Variants in PLAC9 observed in about 807,000 individuals in gnomAD.
PLAC9 encodes the protein placenta associated 9.
A neutral mutation model predicts 11.5 loss-of-function variants in PLAC9; 12 were observed. That is an observed-to-expected ratio of 1.05 (90% CI 0.67 to 1.69). PLAC9 has a LOEUF of 1.69. PLAC9 is among the 40% of genes most tolerant of loss of function. PLAC9 has a pLI of 0.00. For synonymous variants in PLAC9, 62 were observed against 58.1 expected (o/e 1.07, Z -0.31); for missense variants, 132 against 130.5 (o/e 1.01, Z -0.06).
At chr10:80,132,346 G>A (rs181217705), upstream of PLAC9, among the ~76,000 whole-genome samples, 390 of 152,304 alleles carry the variant, frequency 2.6e-3, 2 homozygotes, top group African/African-American at 8.6e-3. Context: ...ATGGCTGAGA[G>A]TGATGCCGAG....
chr10:80,133,629 C>G (rs375009772), intron 1 of PLAC9, among the ~76,000 whole-genome samples: 1 of 152,170 alleles, frequency 6.6e-6, no homozygotes, highest in Non-Finnish European at 1.5e-5. Flanking sequence ...GAGAGCTGTG[C>G]GGAGGAGAGA....
chr10:80,144,178 G>A (rs1234805639), intron 2 of PLAC9, 45 bp from the exon 3 acceptor site: 5 of 1,613,810 alleles, frequency 3.1e-6, no homozygotes, highest in Non-Finnish European at 4.2e-6. Context: ...GAAGCGGAAC[G>A]TGGAACCACT....
chr10:80,135,999 C>T (rs1288657854), intron 1 of PLAC9, among the ~76,000 whole-genome samples: 4 of 152,216 alleles, frequency 2.6e-5, no homozygotes, highest in African/African-American at 7.2e-5. Context: ...CCCCAGCATG[C>T]AGAAATCATC....
At chr10:80,142,380 G>A (rs1845050815) in intron 2 of PLAC9, among the ~76,000 whole-genome samples, 1 of 152,100 alleles carries the variant, frequency 6.6e-6, no homozygotes, top group Admixed American at 6.6e-5. Context: ...CTAAGGCCTT[G>A]CTTACCCCCA....
chr10:80,141,963 C>T, intron 1 of PLAC9, 119 bp from the exon 2 acceptor site: 1 of 626,328 alleles, frequency 1.6e-6, no homozygotes, highest in East Asian at 3.3e-5. Context: ...CTGGGCCGTC[C>T]TCCGCTTGCT....
intron 1 of PLAC9, among the ~76,000 whole-genome samples, chr10:80,141,278 G>T (rs1163915027): frequency 6.6e-6 from 1 of 152,078 alleles, no homozygotes; most frequent in East Asian, 1.9e-4. Context: ...AAAAATTCAT[G>T]TTTGGCTCTG....
chr10:80,140,343 C>T (rs183061065), intron 1 of PLAC9, among the ~76,000 whole-genome samples: 34 of 152,338 alleles, frequency 2.2e-4, no homozygotes, highest in Middle Eastern at 3.4e-3. Flanking sequence ...CACCTTCCCT[C>T]CTCATCTCAT....
chr10:80,133,904 A>AC (rs1185969316), intron 1 of PLAC9, among the ~76,000 whole-genome samples: 1 of 148,266 alleles, frequency 6.7e-6, no homozygotes, highest in Non-Finnish European at 1.5e-5. Context: ...AGATCAAGCC[A>AC]CCGCAATCCA....
intron 3 of PLAC9, among the ~76,000 whole-genome samples, 188 bp downstream of exon 3, chr10:80,144,531 AC>A (rs1490493002): frequency 9.0e-6 from 1 of 110,812 alleles, no homozygotes; most frequent in Non-Finnish European, 1.9e-5. Flanking sequence ...CACCTGCCAC[AC>A]CCGGTGGCTG....
In PLAC9 at chr10:80,145,307, A is replaced by C; in HGVS notation, c.*397A>C. 1 of 307,878 alleles carries C rather than the reference A, an allele frequency of 3.2e-6. No individual in the cohort carries two copies. The highest frequency in any genetic ancestry group is 6.0e-6 in the Non-Finnish European group (1 of 167,070). 19.1% of individuals were successfully genotyped at this position (307,878 alleles called of 1,614,324 possible). ...TAATCCAAATCTGCATTGCAATGAG[A>C]CCCCCAGGGATTTTATGTGTCCATT... On this transcript the variant is annotated 3_prime_UTR_variant, in exon 4 of 4. Transcript: ENST00000372263.
intron 1 of PLAC9, among the ~76,000 whole-genome samples, chr10:80,135,951 G>A (rs981753379): frequency 2.0e-5 from 3 of 152,074 alleles, no homozygotes; most frequent in East Asian, 1.9e-4. Context: ...AAGATACAGC[G>A]GCACCTTTCA....
chr10:80,132,807 C>A lies in PLAC9; in HGVS notation c.45C>A (p.Arg15=), dbSNP rs1370629240. ...CGCTGACCGGACTGGCCCTGCTCCG[C>A]GCCGCGGGCTCTTTGGCCGGTGAGT... ...LCALTGLALL[R]AAGSLAAAEP... Residue 15 remains arginine, a synonymous_variant, in exon 1 of 4, where the codon CGC becomes CGA. Coordinates refer to ENST00000372263, the MANE Select transcript of PLAC9 (RefSeq NM_001012973.3). 31 of 1,497,484 alleles carry A rather than the reference C, an allele frequency of 2.1e-5. No individual in the cohort carries two copies. Among genetic ancestry groups the A allele is most frequent in the Non-Finnish European group, 2.7e-5 (31 of 1,130,980 alleles). 92.8% of individuals were successfully genotyped at this position (1,497,484 alleles called of 1,614,324 possible). A position where few individuals can be genotyped will look rare whatever the true frequency, so the allele number is the denominator to read the frequency against.
intron 1 of PLAC9, among the ~76,000 whole-genome samples, chr10:80,138,112 C>T (rs368699446): frequency 9.2e-5 from 14 of 152,236 alleles, no homozygotes; most frequent in African/African-American, 3.1e-4. Context: ...AGACAGCCAG[C>T]TTTTGTTATG....
chr10:80,138,731 C>G (rs1239532340), intron 1 of PLAC9, among the ~76,000 whole-genome samples: 8 of 152,176 alleles, frequency 5.3e-5, no homozygotes. Context: ...ATCATCAGCT[C>G]TGTCCTACCT....
At chr10:80,133,411 C>T (rs1279575748) in intron 1 of PLAC9, among the ~76,000 whole-genome samples, 1 of 152,184 alleles carries the variant, frequency 6.6e-6, no homozygotes, top group Non-Finnish European at 1.5e-5. Flanking sequence ...GCATAAGAAG[C>T]CACACTCCAA....
chr10:80,144,070 G>A (rs1845071524), intron 2 of PLAC9, 153 bp from the exon 3 acceptor site: 1 of 997,620 alleles, frequency 1.0e-6, no homozygotes, highest in African/African-American at 1.6e-5. Context: ...GCAGGTAGGG[G>A]CAGAGCCTGA....
chr10:80,132,942 G>A, intron 1 of PLAC9, 116 bp downstream of exon 1: 1 of 821,730 alleles, frequency 1.2e-6, no homozygotes, highest in Non-Finnish European at 1.7e-6. Context: ...GAGATGGACA[G>A]AGAGGCAGAT....
intron 1 of PLAC9, among the ~76,000 whole-genome samples, chr10:80,139,306 T>C (rs1483199311): frequency 6.6e-6 from 1 of 152,144 alleles, no homozygotes; most frequent in Admixed American, 6.5e-5. Flanking sequence ...AGACCTCCAG[T>C]CTCTTCAGCC....
intron 1 of PLAC9, among the ~76,000 whole-genome samples, chr10:80,135,176 T>C (rs766816591): frequency 1.3e-5 from 2 of 150,886 alleles, no homozygotes; most frequent in Non-Finnish European, 3.0e-5. Flanking sequence ...GCTGCAACCA[T>C]GCCCGGCTAA....
Sources: gnomAD v4.1 joint callset for allele counts (sites outside exome capture counted in the v4.1 genomes callset) on GRCh38, gnomAD v4.1.1 for gene constraint, MANE v1.5 for transcripts, NCBI Gene and HGNC (gene_info 2026-07-23, HGNC 2026-07-21) for gene names.